The following KPNA3 variants were observed in gnomAD, a reference collection of about 807,000 sequenced individuals.
KPNA3 encodes the protein karyopherin subunit alpha 3, also known as importin subunit alpha-4.
A neutral mutation model predicts 73.8 loss-of-function variants in KPNA3; 13 were observed. That is an observed-to-expected ratio of 0.18 (90% CI 0.11 to 0.28). The LOEUF (loss-of-function observed/expected upper bound fraction) is 0.28. Among genes scored for constraint, KPNA3 ranks in the 10% least tolerant of loss-of-function variants. KPNA3 has a pLI of 1.00. For missense variants in KPNA3, 360 were observed against 618.1 expected, an observed-to-expected ratio of 0.58 and a Z score of 4.43; for synonymous variants, 186 against 206.9, an observed-to-expected ratio of 0.90 and a Z score of 0.87.
chr13:49,792,488 A>G lies in KPNA3; in HGVS notation c.19T>C (p.Leu7=), dbSNP rs776297939. The change falls in exon 1 of 17, where the codon TTG becomes CTG. Residue 7 remains leucine (L), a synonymous_variant. Coordinates refer to ENST00000261667, the MANE Select transcript of KPNA3 (RefSeq NM_002267.4). MAENPS[L]ENHRIKSFKN... ...AAGCTCTTGATGCGGTGGTTCTCCA[A>G]GCTGGGGTTCTCGGCCATGGCTGCG... 1 of 1,576,920 alleles carries G rather than the reference A, an allele frequency of 6.3e-7. No homozygotes were observed. Among genetic ancestry groups the G allele is most frequent in the Non-Finnish European group, 8.6e-7 (1 of 1,162,268 alleles).
At chr13:49,733,186 C>T (rs1165944807) in intron 2 of KPNA3, 140 bp from the exon 3 acceptor site, 2 of 618,042 alleles carry the variant, frequency 3.2e-6, no homozygotes, top group East Asian at 5.9e-5. Context: ...AATGTGCATA[C>T]TGCAAACCAA....
In KPNA3 at chr13:49,699,985, CAA is replaced by C. The variant is rs1303494637; in HGVS notation, c.*1813_*1814del. The C allele has an allele frequency of 6.6e-6, 1 of 152,458 alleles. No homozygotes were observed. Among genetic ancestry groups the C allele is most frequent in the Non-Finnish European group, 1.5e-5 (1 of 67,996 alleles). 9.4% of individuals were successfully genotyped at this position (152,458 alleles called of 1,614,324 possible). ...GAACTTCAACTCAATTTTATGTGCA[CAA>C]GAGTTGAAAAATCTGAGCCACCTTA... On this transcript the variant is annotated 3_prime_UTR_variant, in exon 17 of 17. Transcript: ENST00000261667.
At chr13:49,709,446 T>C (rs1030341896) in intron 12 of KPNA3, 126 bp downstream of exon 12, 4 of 753,398 alleles carry the variant, frequency 5.3e-6, no homozygotes, top group Non-Finnish European at 8.0e-6. Flanking sequence ...AGAGGTGATT[T>C]AAAATAATTC....
chr13:49,733,217 C>T (rs928025886), intron 2 of KPNA3, among the ~76,000 whole-genome samples, 171 bp from the exon 3 acceptor site: 1 of 151,122 alleles, frequency 6.6e-6, no homozygotes, highest in African/African-American at 2.4e-5. Flanking sequence ...CACATTCTGG[C>T]TTCGGTAACA....
chr13:49,755,000 T>A (rs1954698483), intron 1 of KPNA3, among the ~76,000 whole-genome samples: 1 of 151,914 alleles, frequency 6.6e-6, no homozygotes. Flanking sequence ...TGGGTACACT[T>A]CTCAATTCAC....
chr13:49,706,692 T>A (rs1056933962), intron 12 of KPNA3, among the ~76,000 whole-genome samples: 2 of 152,208 alleles, frequency 1.3e-5, no homozygotes, highest in African/African-American at 4.8e-5. Flanking sequence ...AGCTTACATG[T>A]CTGTGCATTA....
At chr13:49,718,524 C>T (rs1055029106) in intron 10 of KPNA3, among the ~76,000 whole-genome samples, 2 of 152,186 alleles carry the variant, frequency 1.3e-5, no homozygotes, top group African/African-American at 2.4e-5. Flanking sequence ...CTGAGGCAAA[C>T]AGCAGATATT....
chr13:49,702,748 A>G (rs924240722), intron 15 of KPNA3, among the ~76,000 whole-genome samples: 1 of 152,178 alleles, frequency 6.6e-6, no homozygotes, highest in Non-Finnish European at 1.5e-5. Context: ...CAAACAATCC[A>G]TTTGACAGAG....
intron 1 of KPNA3, among the ~76,000 whole-genome samples, chr13:49,788,034 G>A (rs777731305): frequency 1.3e-5 from 2 of 152,120 alleles, no homozygotes; most frequent in African/African-American, 4.8e-5. Flanking sequence ...CTTAACACCC[G>A]ATGGAAGACT....
intron 1 of KPNA3, among the ~76,000 whole-genome samples, chr13:49,791,216 C>T (rs1025636399): frequency 6.6e-6 from 1 of 152,206 alleles, no homozygotes; most frequent in Non-Finnish European, 1.5e-5. Context: ...ATTTACCCCA[C>T]AACCTTCCTT....
At chr13:49,792,397 C>T (rs1172035390) in intron 1 of KPNA3, 41 bp downstream of exon 1, 2 of 1,466,890 alleles carry the variant, frequency 1.4e-6, no homozygotes, top group Non-Finnish European at 1.8e-6. Flanking sequence ...GTCGCCGGGC[C>T]GGCGCGGCCA....
At chr13:49,760,277 T>C (rs1954747998) in intron 1 of KPNA3, among the ~76,000 whole-genome samples, 2 of 151,876 alleles carry the variant, frequency 1.3e-5, no homozygotes, top group Admixed American at 1.3e-4. Flanking sequence ...CAGCCAGGAA[T>C]GGTGGTACAT....
chr13:49,747,366 A>G (rs1954625947), intron 1 of KPNA3, among the ~76,000 whole-genome samples: 1 of 147,984 alleles, frequency 6.8e-6, no homozygotes, highest in African/African-American at 2.5e-5. Flanking sequence ...AAGAAGAAGA[A>G]AAAAAAAAAC....
chr13:49,704,419 AAAATAAATAAATAAAAAAT>A (rs1489197691), intron 15 of KPNA3, among the ~76,000 whole-genome samples: 1,374 of 127,644 alleles, frequency 0.011, 22 homozygotes, highest in East Asian at 0.039. Context: ...TCTCAAAAAA[AAAATAAATAAATAAAAAAT>A]AAATAAATAA....
chr13:49,783,443 CG>C (rs550117895), intron 1 of KPNA3, among the ~76,000 whole-genome samples: 1 of 151,990 alleles, frequency 6.6e-6, no homozygotes, highest in Admixed American at 6.6e-5. Context: ...TCTGTATCCT[CG>C]GGGGGGTTGG....
chr13:49,710,455 G>A (rs969998851), intron 11 of KPNA3, among the ~76,000 whole-genome samples: 1 of 152,124 alleles, frequency 6.6e-6, no homozygotes, highest in Non-Finnish European at 1.5e-5. Context: ...TAAATCTGTT[G>A]TTCTAGATAG....
At chr13:49,788,538 G>A (rs890635004) in intron 1 of KPNA3, among the ~76,000 whole-genome samples, 7 of 151,916 alleles carry the variant, frequency 4.6e-5, no homozygotes, top group Admixed American at 6.6e-5. Flanking sequence ...GGGCAACATG[G>A]CAAAACCCCG....
intron 1 of KPNA3, among the ~76,000 whole-genome samples, chr13:49,762,802 A>G (rs1954778620): frequency 6.6e-6 from 1 of 151,818 alleles, no homozygotes; most frequent in Admixed American, 6.6e-5. Context: ...CCTTCCCTCC[A>G]CTATTGTCCT....
In KPNA3 at chr13:49,700,959, A is replaced by T. The variant is rs1306938698; in HGVS notation, c.*841T>A. On this transcript the variant is annotated 3_prime_UTR_variant, in exon 17 of 17. Coordinates refer to ENST00000261667, the MANE Select transcript of KPNA3 (RefSeq NM_002267.4). Reference sequence around the variant, plus strand: ...TTTATACTCAGGGACTCTTGCTTTCAACTTAAACAGAAGTTCAAGTCCATA... The same window carrying T: ...TTTATACTCAGGGACTCTTGCTTTCTACTTAAACAGAAGTTCAAGTCCATA... 6.6e-6 allele frequency: 1 copy of T among 152,482 alleles called. No individual in the cohort carries two copies. Among genetic ancestry groups the T allele is most frequent in the East Asian group, 1.9e-4 (1 of 5,190 alleles). 9.4% of individuals were successfully genotyped at this position (152,482 alleles called of 1,614,324 possible).
Sources: gnomAD v4.1 joint callset for allele counts (sites outside exome capture counted in the v4.1 genomes callset) on GRCh38, gnomAD v4.1.1 for gene constraint, MANE v1.5 for transcripts, NCBI Gene and HGNC (gene_info 2026-07-23, HGNC 2026-07-21) for gene names.